NT5C2: variants seen among roughly 807,000 people sequenced by gnomAD.
The protein encoded by NT5C2 is cytosolic purine 5'-nucleotidase.
NT5C2 carries 58 observed loss-of-function variants against 76.1 expected under a neutral mutation model. The observed-to-expected ratio is 0.76, with a 90% CI of 0.62 to 0.95. The LOEUF (loss-of-function observed/expected upper bound fraction) is 0.95. Ranked by LOEUF, NT5C2 falls within the 40% of genes least tolerant of loss-of-function variation. NT5C2 has a pLI of 0.00. For synonymous variants in NT5C2, 229 were observed against 237.4 expected (o/e 0.96, Z 0.32); for missense variants, 478 against 690.3 (o/e 0.69, Z 3.45).
intron 6 of NT5C2, among the ~76,000 whole-genome samples, chr10:103,104,422 C>G (rs2070648042): frequency 6.6e-6 from 1 of 152,158 alleles, no homozygotes; most frequent in Non-Finnish European, 1.5e-5. Flanking sequence ...TAATAGAACC[C>G]TGGTTCATCT....
At chr10:103,185,481 T>C (rs572473295) in intron 1 of NT5C2, among the ~76,000 whole-genome samples, 1 of 151,754 alleles carries the variant, frequency 6.6e-6, no homozygotes, top group Non-Finnish European at 1.5e-5. Flanking sequence ...CCCCCATCTC[T>C]ATAAAAACAT....
chr10:103,136,565 C>CA (rs2079286682), intron 4 of NT5C2, among the ~76,000 whole-genome samples: 1 of 148,820 alleles, frequency 6.7e-6, no homozygotes. Flanking sequence ...AGTGGCATTG[C>CA]AAAAAACAAA....
chr10:103,187,015 C>G (rs1207115172), intron 1 of NT5C2, among the ~76,000 whole-genome samples: 1 of 152,032 alleles, frequency 6.6e-6, no homozygotes, highest in African/African-American at 2.4e-5. Flanking sequence ...CTCTGGGAGG[C>G]TGAGGTGGGC....
chr10:103,100,749 A>G (rs1247746220), intron 8 of NT5C2: 2 of 565,296 alleles, frequency 3.5e-6, no homozygotes, highest in Admixed American at 4.4e-5. Context: ...TCATCACACA[A>G]ACCTCCCACT....
At chr10:103,130,198 T>C (rs1158000863) in intron 4 of NT5C2, among the ~76,000 whole-genome samples, 1 of 151,708 alleles carries the variant, frequency 6.6e-6, no homozygotes, top group Non-Finnish European at 1.5e-5. Flanking sequence ...CTTTTCATTT[T>C]GTTCTGCACT....
chr10:103,150,737 A>AT (rs1401769734), intron 3 of NT5C2, among the ~76,000 whole-genome samples: 1 of 152,204 alleles, frequency 6.6e-6, no homozygotes, highest in African/African-American at 2.4e-5. Flanking sequence ...CTAATGACCA[A>AT]TAACATCTTT....
chr10:103,108,084 G>A (rs1257049641), intron 4 of NT5C2, among the ~76,000 whole-genome samples: 1 of 152,126 alleles, frequency 6.6e-6, no homozygotes, highest in African/African-American at 2.4e-5. Context: ...GAACCCAGGA[G>A]GTGGAGGCTG....
At chr10:103,153,459 A>G (rs1052579483) in intron 3 of NT5C2, 1 of 985,468 alleles carries the variant, frequency 1.0e-6, no homozygotes, top group Non-Finnish European at 1.2e-6. Flanking sequence ...TAACTAGGCA[A>G]TATCTCAGTG....
chr10:103,091,707 C>A lies in NT5C2; in HGVS notation c.1160-92G>T, dbSNP rs542199623. On this transcript the variant is annotated intron_variant, in intron 15 of 18. Transcript: ENST00000404739. ...CTAAACTAAAAGGTTGCAGATGTGA[C>A]TGGAAAGTAGAACCTGGGACTAACA... 2.8e-4 allele frequency: 291 copies of A among 1,048,208 alleles called. 2 individuals are homozygous for A. The South Asian group carries it at 3.6e-3, about 13-fold the overall frequency. The allele number at this position is 1,048,208 out of a possible 1,614,324, so 64.9% of individuals were successfully genotyped here.
intron 3 of NT5C2, among the ~76,000 whole-genome samples, chr10:103,158,667 A>C (rs545683755): frequency 4.6e-5 from 7 of 152,054 alleles, no homozygotes; most frequent in Admixed American, 3.3e-4. Context: ...AAATACAAAA[A>C]TTAGCCAAGC....
At chr10:103,159,540 T>C (rs1254704735) in intron 3 of NT5C2, among the ~76,000 whole-genome samples, 1 of 151,714 alleles carries the variant, frequency 6.6e-6, no homozygotes, top group South Asian at 2.1e-4. Context: ...TCCTAGCTAC[T>C]TGAGAAGCTG....
intron 4 of NT5C2, among the ~76,000 whole-genome samples, chr10:103,118,249 C>A (rs1380567239): frequency 6.6e-6 from 1 of 152,038 alleles, no homozygotes; most frequent in Non-Finnish European, 1.5e-5. Context: ...AAATAATGAA[C>A]CTAACAGCTA....
Position 103,192,835 on chromosome 10 carries a change from C to T in NT5C2, c.-169+401G>A, listed in dbSNP as rs571198010. Among the ~76,000 whole-genome samples, 7 of 152,266 alleles carry T rather than the reference C, an allele frequency of 4.6e-5. No individual in the cohort carries two copies. The South Asian group carries it at 1.4e-3, about 32-fold the overall frequency. On this transcript the variant is annotated intron_variant, in intron 1 of 18. Transcript: ENST00000404739. ...AATCAGCTGGAGGACGTCAGCAGGA[C>T]TGAGGAAAGGGCTACCACCAGCGTG... is the stretch of plus-strand genomic sequence containing the variant.
At chr10:103,131,447 T>G (rs1284310023) in intron 4 of NT5C2, among the ~76,000 whole-genome samples, 1 of 152,168 alleles carries the variant, frequency 6.6e-6, no homozygotes, top group Non-Finnish European at 1.5e-5. Context: ...GGTGTCCTCT[T>G]TTATAAAGGC....
At chr10:103,172,870 T>C (rs1370727489) in intron 3 of NT5C2, among the ~76,000 whole-genome samples, 2 of 151,936 alleles carry the variant, frequency 1.3e-5, no homozygotes, top group South Asian at 2.1e-4. Context: ...ATTAGTCAGG[T>C]GCAGTGGCCC....
At chr10:103,185,076 A>G (rs934158542) in intron 1 of NT5C2, among the ~76,000 whole-genome samples, 14 of 152,226 alleles carry the variant, frequency 9.2e-5, no homozygotes, top group Non-Finnish European at 1.9e-4. Context: ...AGAATGCTAT[A>G]TATTTGTTCT....
At chr10:103,175,660 C>T (rs966133958) in intron 2 of NT5C2, 4 of 231,022 alleles carry the variant, frequency 1.7e-5, no homozygotes, top group African/African-American at 9.2e-5. Flanking sequence ...ACGTGAAAAG[C>T]AATGAAGACT....
At chr10:103,100,923 C>T in intron 8 of NT5C2, 122 bp downstream of exon 8, 1 of 724,442 alleles carries the variant, frequency 1.4e-6, no homozygotes, top group East Asian at 2.7e-5. Flanking sequence ...AATGTGGCAT[C>T]TCTCACTAGC....
intron 4 of NT5C2, chr10:103,125,357 T>G: frequency 2.9e-6 from 1 of 343,256 alleles, no homozygotes; most frequent in Non-Finnish European, 5.5e-6. Context: ...GGCGTTTGCC[T>G]GTCTTTTCGA....
Sources: allele counts gnomAD v4.1 joint callset (sites outside exome capture counted in the v4.1 genomes callset), GRCh38; gene constraint gnomAD v4.1.1; transcripts MANE v1.5; gene names NCBI Gene and HGNC (gene_info 2026-07-23, HGNC 2026-07-21).